The following AARS1 variants were observed in gnomAD, a reference collection of about 807,000 sequenced individuals.
The protein encoded by AARS1 is alanine--tRNA ligase, cytoplasmic.
In AARS1, 72 loss-of-function variants were observed where a neutral mutation model predicts 108.9. The ratio of observed to expected loss-of-function variants is 0.66; its 90% CI spans 0.55 to 0.80. The LOEUF (loss-of-function observed/expected upper bound fraction) is 0.80, where lower values mean the gene tolerates loss of function less well. AARS1 is among the 30% of genes least tolerant of loss of function. AARS1 has a pLI of 0.00. For missense variants in AARS1, 1,193 were observed against 1,233.2 expected (o/e 0.97, Z 0.49); for synonymous variants, 489 against 465.7 (o/e 1.05, Z -0.64).
intron 4 of AARS1, among the ~76,000 whole-genome samples, chr16:70,274,734 G>T (rs144216759): frequency 0.01 from 1,524 of 150,978 alleles, 26 homozygotes; most frequent in African/African-American, 0.035. Context: ...CGGCGGGGGT[G>T]GGGGAGTGGA....
chr16:70,287,113 T>C (rs891886045), intron 1 of AARS1, among the ~76,000 whole-genome samples: 2 of 150,848 alleles, frequency 1.3e-5, no homozygotes, highest in Admixed American at 6.6e-5. Context: ...TAGCCGGGCG[T>C]GGTAGCGGGC....
intron 2 of AARS1, 36 bp from the exon 3 acceptor site, chr16:70,277,190 G>C (rs1960571674): frequency 6.2e-7 from 1 of 1,604,060 alleles, no homozygotes; most frequent in African/African-American, 1.3e-5. Context: ...CTTTTAAAGG[G>C]TGCAAGTGAT....
chr16:70,263,359 C>T (rs1452354668), intron 11 of AARS1, among the ~76,000 whole-genome samples: 4 of 152,070 alleles, frequency 2.6e-5, no homozygotes, highest in African/African-American at 7.2e-5. Context: ...ATAACCTGAG[C>T]TCAGCAGTTT....
At chr16:70,269,366 G>A (rs1388212206) in intron 7 of AARS1, among the ~76,000 whole-genome samples, 8 of 83,910 alleles carry the variant, frequency 9.5e-5, no homozygotes, top group Admixed American at 1.5e-4. Flanking sequence ...AAAAACAACC[G>A]TCTCTACTAA....
chr16:70,273,863 CAAAAAAAAAAAAAAA>C (rs71385651), intron 4 of AARS1, among the ~76,000 whole-genome samples: 1 of 54,262 alleles, frequency 1.8e-5, no homozygotes, highest in South Asian at 8.0e-4. Context: ...ACTCCGTCTC[CAAAAAAAAAAAAAAA>C]AAAAAAAAAA....
intron 1 of AARS1, among the ~76,000 whole-genome samples, chr16:70,284,864 T>G (rs1960801254): frequency 6.6e-6 from 1 of 152,226 alleles, no homozygotes; most frequent in Non-Finnish European, 1.5e-5. Context: ...AAAAGCAGTA[T>G]CTACCCTGCC....
intron 10 of AARS1, chr16:70,265,306 T>C (rs948614247): frequency 1.1e-5 from 10 of 915,054 alleles, no homozygotes; most frequent in Non-Finnish European, 1.6e-5. Context: ...CCCTGGCCTC[T>C]ACCAAGTACG....
In AARS1 at chr16:70,277,113, G is replaced by A. The variant is rs1960569879; in HGVS notation, c.186C>T (p.Pro62=). The change falls in exon 3 of 21, where the codon CCC becomes CCT. Residue 62 remains proline (P), a synonymous_variant. Transcript: ENST00000261772. ...IFLNTIDPSH[P]MAKLSRAANT... ...TGGCAGCTCTGCTCAGCTTTGCCAT[G>A]GGGTGAGATGGGTCAATTGTGTTCA... 6.2e-7 allele frequency: 1 copy of A among 1,614,060 alleles called. No homozygotes were observed. The highest frequency in any genetic ancestry group is 1.3e-5 in the African/African-American group (1 of 74,928).
intron 1 of AARS1, among the ~76,000 whole-genome samples, chr16:70,287,714 G>C (rs1338966893): frequency 6.6e-6 from 1 of 152,034 alleles, no homozygotes; most frequent in East Asian, 1.9e-4. Context: ...AAACATTCCA[G>C]CCTAGGTAAC....
intron 8 of AARS1, 143 bp downstream of exon 8, chr16:70,268,128 A>G (rs1032503962): frequency 1.8e-5 from 15 of 811,188 alleles, no homozygotes; most frequent in Non-Finnish European, 3.1e-5. Flanking sequence ...AGATCACTCT[A>G]TTGCACTCCA....
At chr16:70,252,996 C>T in intron 20 of AARS1, 90 bp from the exon 21 acceptor site, 1 of 1,396,370 alleles carries the variant, frequency 7.2e-7, no homozygotes, top group Non-Finnish European at 1.0e-6. Flanking sequence ...AGCCATCACC[C>T]ACTCCTTGCC....
chr16:70,260,844 A>G (rs565096853), intron 13 of AARS1, among the ~76,000 whole-genome samples, 200 bp downstream of exon 13: 19 of 151,982 alleles, frequency 1.3e-4, no homozygotes, highest in Admixed American at 1.2e-3. Context: ...TTATATTTTT[A>G]GTAGAGACGG....
At chr16:70,268,803 T>C (rs1486577579) in intron 7 of AARS1, among the ~76,000 whole-genome samples, 1 of 152,214 alleles carries the variant, frequency 6.6e-6, no homozygotes, top group Non-Finnish European at 1.5e-5. Context: ...AGATTTAATA[T>C]AGTGGCAACT....
chr16:70,280,191 A>G (rs1056581274), intron 2 of AARS1, among the ~76,000 whole-genome samples: 14 of 152,278 alleles, frequency 9.2e-5, no homozygotes, highest in Admixed American at 7.8e-4. Flanking sequence ...TGCTGGAATT[A>G]CAGGCATGAA....
chr16:70,264,013 C>G (rs1051163452), intron 11 of AARS1, among the ~76,000 whole-genome samples: 5 of 151,854 alleles, frequency 3.3e-5, no homozygotes, highest in African/African-American at 4.8e-5. Flanking sequence ...TTTGGGAGGC[C>G]AAGGCAGGCA....
intron 2 of AARS1, among the ~76,000 whole-genome samples, chr16:70,281,287 GC>G (rs1340259093): frequency 1.3e-5 from 2 of 152,158 alleles, no homozygotes; most frequent in Non-Finnish European, 2.9e-5. Context: ...ACCACTTTGG[GC>G]AGCTAAGGCA....
Position 70,253,286 on chromosome 16 carries a change from G to T in AARS1, c.2703C>A (p.Cys901Ter). 6.2e-7 allele frequency: 1 copy of T among 1,613,994 alleles called. No individual in the cohort carries two copies. Among genetic ancestry groups the T allele is most frequent in the Non-Finnish European group, 8.5e-7 (1 of 1,179,854 alleles). The part of the protein sequence containing the change: ...TVDNEAGKIT[C>*]LCQVPQNAAN... The stretch of plus-strand genomic sequence containing the variant: ...TGCTGACCTGGGGAACTTGACACAG[G>T]CACGTGATCTTGCCAGCCTCATTGT... The change falls in exon 20 of 21, where the codon TGC (cysteine) becomes TGA (stop). Residue 901 changes from cysteine to a stop codon, truncating the protein, a stop_gained. Coordinates refer to ENST00000261772, the MANE Select transcript of AARS1 (RefSeq NM_001605.3). LOFTEE classifies it high-confidence loss of function.
At chr16:70,271,593 G>A (rs954292943) in intron 5 of AARS1, among the ~76,000 whole-genome samples, 188 bp downstream of exon 5, 3 of 151,940 alleles carry the variant, frequency 2.0e-5, no homozygotes, top group African/African-American at 4.8e-5. Flanking sequence ...GGAATAGCTC[G>A]CAAGAAGCTA....
Position 70,272,104 on chromosome 16 carries a change from C to A in AARS1, c.480-132G>T, listed in dbSNP as rs546702434. The A allele has an allele frequency of 1.8e-4, 147 of 796,750 alleles. No homozygotes were observed. The East Asian group carries it at 3.6e-3, about 19-fold the overall frequency. The allele number at this position is 796,750 out of a possible 1,614,324, so 49.4% of individuals were successfully genotyped here. A position where few individuals can be genotyped will look rare whatever the true frequency, so the allele number is the denominator to read the frequency against. On this transcript the variant is annotated intron_variant, in intron 4 of 20. Coordinates refer to ENST00000261772, the MANE Select transcript of AARS1 (RefSeq NM_001605.3). The stretch of plus-strand genomic sequence containing the variant: ...TCATGTTACTGCACTCCAGCCTAGA[C>A]AACAGAGCGAGACTCTGTCTCAAAA...
Sources: allele counts gnomAD v4.1 joint callset (sites outside exome capture counted in the v4.1 genomes callset), GRCh38; gene constraint gnomAD v4.1.1; transcripts MANE v1.5; gene names NCBI Gene and HGNC (gene_info 2026-07-23, HGNC 2026-07-21).